MTRR: variants seen among roughly 807,000 people sequenced by gnomAD.
The protein encoded by MTRR is 5-methyltetrahydrofolate-homocysteine methyltransferase reductase.
In MTRR, 63 loss-of-function variants were observed where a neutral mutation model predicts 79.2. That is an observed-to-expected ratio of 0.80 (90% confidence interval 0.65 to 0.98). MTRR has a LOEUF of 0.98. Ranked by LOEUF, MTRR falls within the 50% of genes least tolerant of loss-of-function variation. The probability of loss-of-function intolerance (pLI) is 0.00; values close to 1 mark genes in which losing one functional copy is unlikely to be tolerated. For missense variants in MTRR, 895 were observed against 839.6 expected (o/e 1.07, Z -0.82); for synonymous variants, 355 against 313.3 (o/e 1.13, Z -1.41).
chr5:7,884,301 G>T (rs534450078), intron 6 of MTRR, among the ~76,000 whole-genome samples: 3 of 152,172 alleles, frequency 2.0e-5, no homozygotes, highest in Non-Finnish European at 4.4e-5. Context: ...TTGTCCCTTA[G>T]TATCTTCGAA....
intron 7 of MTRR, among the ~76,000 whole-genome samples, chr5:7,886,073 AATT>A (rs1166323012): frequency 6.6e-6 from 1 of 152,214 alleles, no homozygotes; most frequent in Non-Finnish European, 1.5e-5. Flanking sequence ...TGGATGTTCT[AATT>A]ATTGGACATT....
chr5:7,859,730 G>C (rs1396695024), intron 1 of MTRR, among the ~76,000 whole-genome samples: 1 of 152,186 alleles, frequency 6.6e-6, no homozygotes, highest in African/African-American at 2.4e-5. Flanking sequence ...CTGAGAAGGG[G>C]CTTGGTAAAT....
Position 7,878,264 on chromosome 5 carries a change from A to G in MTRR, c.722A>G (p.Asn241Ser). 1 of 1,614,228 alleles carries G rather than the reference A, an allele frequency of 6.2e-7. No homozygotes were observed. The highest frequency in any genetic ancestry group is 1.7e-5 in the Admixed American group (1 of 60,028). The stretch of plus-strand genomic sequence containing the variant: ...CCCCCACTCTCACAAGCCTCTCTGA[A>G]TATTCCTGGTTTACCCCCAGAATAT... ...SVPPLSQASL[N>S]IPGLPPEYLQ... The change falls in exon 5 of 15, where the codon AAT becomes AGT. Residue 241 changes from asparagine (N) to serine (S), a missense_variant. By Grantham distance (46) the Asn-to-Ser change is conservative. Transcript: ENST00000440940.
chr5:7,865,905 A>G, upstream of MTRR: 1 of 1,613,298 alleles, frequency 6.2e-7, no homozygotes, highest in South Asian at 1.1e-5. Context: ...TACCTTATAG[A>G]AAGGGCATTC....
chr5:7,869,194 G>C lies in MTRR; in HGVS notation c.-47G>C, dbSNP rs1747382600. ...GGTGGAAGTCGCGTTGTGCAGGTTC[G>C]TGCCCGGCTGGCGCGGCGTGGGTAA... is the stretch of plus-strand genomic sequence containing the variant. On this transcript the variant is annotated 5_prime_UTR_variant, in exon 1 of 15. Transcript: ENST00000440940. 2 of 1,609,834 alleles carry C rather than the reference G, an allele frequency of 1.2e-6. No individual in the cohort carries two copies. The highest frequency in any genetic ancestry group is 1.7e-6 in the Non-Finnish European group (2 of 1,179,798).
chr5:7,853,433 C>T (rs913885647), intron 1 of MTRR, among the ~76,000 whole-genome samples: 5 of 152,202 alleles, frequency 3.3e-5, no homozygotes, highest in African/African-American at 1.2e-4. Context: ...TTCTTTATAG[C>T]AGCATGAGAA....
chr5:7,865,763 C>A, upstream of MTRR: 1 of 632,390 alleles, frequency 1.6e-6, no homozygotes, highest in South Asian at 2.4e-5. Context: ...CAAAGAAAAG[C>A]CTATCTGGTG....
upstream of MTRR, chr5:7,866,620 A>G (rs763580223): frequency 2.6e-6 from 4 of 1,517,694 alleles, 1 homozygote; most frequent in South Asian, 3.9e-5. Flanking sequence ...CTTTTTTCCA[A>G]CTGTCAGAAT....
chr5:7,865,994 A>G, upstream of MTRR: 1 of 1,608,756 alleles, frequency 6.2e-7, no homozygotes, highest in Non-Finnish European at 8.5e-7. Flanking sequence ...CTGAAACAGA[A>G]AGCATCCCAG....
At chr5:7,869,505 C>T in intron 1 of MTRR, 1 of 429,378 alleles carries the variant, frequency 2.3e-6, no homozygotes, top group Non-Finnish European at 4.3e-6. Context: ...GTTCTAGGCG[C>T]TTTCCAGGCC....
At chr5:7,858,202 C>CT (rs1746309603) in intron 1 of MTRR, among the ~76,000 whole-genome samples, 1 of 152,146 alleles carries the variant, frequency 6.6e-6, no homozygotes. Flanking sequence ...AGACACAGGA[C>CT]TGGATATTAG....
upstream of MTRR, chr5:7,866,884 T>C (rs1746995211): frequency 6.2e-7 from 1 of 1,614,026 alleles, no homozygotes; most frequent in Non-Finnish European, 8.5e-7. Flanking sequence ...AAAATTTTTC[T>C]GTTTGGCAAA....
Position 7,886,648 on chromosome 5 carries a change from G to A in MTRR, c.1091G>A (p.Cys364Tyr). The A allele has an allele frequency of 1.2e-6, 2 of 1,610,076 alleles. No homozygotes were observed. Among genetic ancestry groups the A allele is most frequent in the South Asian group, 1.1e-5 (1 of 91,000 alleles). The stretch of plus-strand genomic sequence containing the variant: ...TTACCCCAGCATATACCTGCGGGAT[G>A]TTCTCTCCAGTTCATTTTTACCTGG... The part of the protein sequence containing the change: ...ATLPQHIPAG[C>Y]SLQFIFTWCL... Residue 364 changes from cysteine (C) to tyrosine (Y), a missense_variant, in exon 8 of 15, where the codon TGT (cysteine) becomes TAT (tyrosine). By Grantham distance (194) the Cys-to-Tyr change is radical. Coordinates refer to ENST00000440940, the MANE Select transcript of MTRR (RefSeq NM_002454.3).
chr5:7,860,119 A>C (rs1429344325), intron 1 of MTRR, among the ~76,000 whole-genome samples: 2 of 152,128 alleles, frequency 1.3e-5, no homozygotes, highest in Non-Finnish European at 2.9e-5. Context: ...AGATGTAGAG[A>C]AGTTTTTACT....
At chr5:7,865,469 A>G (rs536835999), upstream of MTRR, among the ~76,000 whole-genome samples, 1 of 152,286 alleles carries the variant, frequency 6.6e-6, no homozygotes, top group East Asian at 1.9e-4. Context: ...TAGATAAACT[A>G]AACTCTATTA....
intron 5 of MTRR, among the ~76,000 whole-genome samples, chr5:7,880,089 G>A (rs1735331920): frequency 6.6e-6 from 1 of 152,230 alleles, no homozygotes; most frequent in African/African-American, 2.4e-5. Context: ...GCACCAAACT[G>A]TTAGAACCCT....
chr5:7,876,666 G>T (rs1235648698), intron 4 of MTRR, among the ~76,000 whole-genome samples: 1 of 152,142 alleles, frequency 6.6e-6, no homozygotes, highest in Non-Finnish European at 1.5e-5. Context: ...CCAATACCTG[G>T]GTTCAAATCC....
chr5:7,851,038 G>GC, upstream of MTRR: 1 of 1,239,690 alleles, frequency 8.1e-7, no homozygotes, highest in Non-Finnish European at 1.0e-6. Flanking sequence ...ACCGTCCAGC[G>GC]CCCCCGCCTT....
chr5:7,878,499 T>A (rs977382729), intron 5 of MTRR, among the ~76,000 whole-genome samples, 177 bp downstream of exon 5: 1 of 152,258 alleles, frequency 6.6e-6, no homozygotes, highest in African/African-American at 2.4e-5. Flanking sequence ...TGCCTATTCA[T>A]TTAGGTAGTG....
Sources: gnomAD v4.1 joint callset for allele counts (sites outside exome capture counted in the v4.1 genomes callset) on GRCh38, gnomAD v4.1.1 for gene constraint, MANE v1.5 for transcripts, NCBI Gene and HGNC (gene_info 2026-07-23, HGNC 2026-07-21) for gene names.